Variants in SFR1 observed in about 807,000 individuals in gnomAD.
SFR1 encodes SWI5 dependent homologous recombination repair protein 1, also known as swi5-dependent recombination DNA repair protein 1 homolog.
Under a neutral mutation model 26.2 loss-of-function variants are expected in SFR1, and 24 were observed. The observed-to-expected ratio is 0.92, with a 90% confidence interval of 0.66 to 1.29. The LOEUF (loss-of-function observed/expected upper bound fraction) is 1.29. SFR1 is among the 50% of genes most tolerant of loss of function. The pLI, the probability that SFR1 is intolerant of heterozygous loss-of-function variation, is 0.00. For synonymous variants in SFR1, 77 were observed against 96.6 expected, an observed-to-expected ratio of 0.80 and a Z score of 1.19; for missense variants, 276 against 270.2, an observed-to-expected ratio of 1.02 and a Z score of -0.15.
chr10:104,124,002 T>G lies in SFR1; in HGVS notation c.424T>G (p.Phe142Val). ...SGSCSALQNE[F>V]VSEKLPKQRL... is the part of the protein sequence containing the mutation. ...ATCATGCAGTGCTCTCCAAAATGAG[T>G]TTGTGAGTGAGAAGCTTCCTAAACA... Residue 142 changes from phenylalanine to valine, a missense_variant, in exon 3 of 4, where the codon TTT becomes GTT. By Grantham distance (50) the Phe-to-Val change is conservative (BLOSUM62 -1). Transcript: ENST00000369727. 1 of 1,613,916 alleles carries G rather than the reference T, an allele frequency of 6.2e-7. No individual in the cohort carries two copies. Among genetic ancestry groups the G allele is most frequent in the Non-Finnish European group, 8.5e-7 (1 of 1,179,948 alleles).
chr10:104,125,943 T>G lies in SFR1; in HGVS notation c.*239T>G, dbSNP rs1275576306. The G allele has an allele frequency of 3.3e-6, 1 of 305,210 alleles. No homozygotes were observed. Among genetic ancestry groups the G allele is most frequent in the Non-Finnish European group, 6.2e-6 (1 of 160,944 alleles). The allele number at this position is 305,210 out of a possible 1,614,324, so 18.9% of individuals were successfully genotyped here. On this transcript the variant is annotated 3_prime_UTR_variant, in exon 4 of 4. Transcript: ENST00000369727. The stretch of plus-strand genomic sequence containing the variant: ...ACCATGCCCGGCTAATTTTTGCATT[T>G]TTAGTAGAGACTGGGTTTCACCACG...
intron 3 of SFR1, 28 bp downstream of exon 3, chr10:104,124,152 AATTTTT>A: frequency 6.9e-7 from 1 of 1,457,780 alleles, no homozygotes; most frequent in Non-Finnish European, 9.1e-7. Flanking sequence ...ACCATTGCAT[AATTTTT>A]ATTTTTACAT....
At chr10:104,122,504 C>G in intron 1 of SFR1, 1 of 985,400 alleles carries the variant, frequency 1.0e-6, no homozygotes, top group African/African-American at 1.7e-5. Context: ...CGCTGTGTTT[C>G]TTATGCCTCG....
chr10:104,125,988 A>G lies in SFR1; in HGVS notation c.*284A>G. The G allele has an allele frequency of 4.8e-6, 1 of 209,826 alleles. No homozygotes were observed. Among genetic ancestry groups the G allele is most frequent in the Non-Finnish European group, 9.7e-6 (1 of 103,200 alleles). 13.0% of individuals were successfully genotyped at this position (209,826 alleles called of 1,614,324 possible). The stretch of plus-strand genomic sequence containing the variant: ...ACCACGTTGGCCAGGCTGGTCTCGA[A>G]CTCCTGACCTCAGGTGATCCACCGC... On this transcript the variant is annotated 3_prime_UTR_variant, in exon 4 of 4. Coordinates refer to ENST00000369727, the MANE Select transcript of SFR1 (RefSeq NM_001002759.2).
At chr10:104,122,041 T>C, upstream of SFR1, 2 of 1,030,608 alleles carry the variant, frequency 1.9e-6, no homozygotes, top group Non-Finnish European at 2.9e-6. Context: ...GTCCCACCGC[T>C]CTGAGTCGCT....
At chr10:104,122,925 G>A in intron 1 of SFR1, 40 bp from the exon 2 acceptor site, 1 of 1,605,104 alleles carries the variant, frequency 6.2e-7, no homozygotes, top group Non-Finnish European at 8.5e-7. Context: ...CTATAGAGAG[G>A]TGTGGTTAAT....
In SFR1 at chr10:104,123,736, A is replaced by T; in HGVS notation, c.158A>T (p.Glu53Val). ...TAGCCTATGAGTGCAACACTTAGAG[A>T]AAGATTAAGGAAAACAAGATTTTCA... ...RKQPMSATLR[E>V]RLRKTRFSFN... Residue 53 changes from glutamate to valine, a missense_variant, in exon 3 of 4, where the codon GAA becomes GTA. Coordinates refer to ENST00000369727, the MANE Select transcript of SFR1 (RefSeq NM_001002759.2). 6.3e-7 allele frequency: 1 copy of T among 1,599,542 alleles called. No homozygotes were observed. The highest frequency in any genetic ancestry group is 8.5e-7 in the Non-Finnish European group (1 of 1,174,990).
At chr10:104,122,665 A>G in intron 1 of SFR1, 2 of 1,342,084 alleles carry the variant, frequency 1.5e-6, no homozygotes, top group East Asian at 6.4e-5. Context: ...TAAAGCTGTT[A>G]TTCTTCCCTA....
At chr10:104,121,785 A>G (rs1474145966), upstream of SFR1, among the ~76,000 whole-genome samples, 1 of 152,196 alleles carries the variant, frequency 6.6e-6, no homozygotes, top group East Asian at 1.9e-4. Flanking sequence ...GTTGAAAATA[A>G]GGCAACAGAA....
upstream of SFR1, among the ~76,000 whole-genome samples, chr10:104,120,868 T>G (rs958005700): frequency 6.6e-6 from 1 of 152,208 alleles, no homozygotes; most frequent in Non-Finnish European, 1.5e-5. Flanking sequence ...AAGACTCAGG[T>G]AACTCCCTTT....
chr10:104,122,531 G>C, intron 1 of SFR1: 1 of 985,408 alleles, frequency 1.0e-6, no homozygotes. Context: ...CAGGGTAACG[G>C]GTTCTAGTCA....
At chr10:104,120,623 T>C (rs989348517), upstream of SFR1, among the ~76,000 whole-genome samples, 1 of 152,158 alleles carries the variant, frequency 6.6e-6, no homozygotes, top group African/African-American at 2.4e-5. Context: ...ATAAAATAAC[T>C]ACTGAGTGCT....
At position 104,124,041 on chromosome 10, in the gene SFR1, GA is replaced by G; in HGVS notation, c.468del (p.Ala157ProfsTer4). 1 of 1,613,950 alleles carries G rather than the reference GA, an allele frequency of 6.2e-7. No individual in the cohort carries two copies. On this transcript the variant is annotated frameshift_variant, in exon 3 of 4. Transcript: ENST00000369727. LOFTEE classifies it high-confidence loss of function. ...EKLPKQRLNA[E>X]KAKLVKQVQE... ...GCTTCCTAAACAAAGATTAAACGCT[GA>G]AAAAGCCAAATTGGTGAAGCAGGTT... is the stretch of plus-strand genomic sequence containing the variant.
chr10:104,123,036 C>G lies in SFR1; in HGVS notation c.85C>G (p.Gln29Glu), dbSNP rs751229255. Reference protein sequence around the residue: ...DSAVVLPSTPQASANPSSPYT... With the variant: ...DSAVVLPSTPEASANPSSPYT... ...AGCTGTGGTTTTACCTAGCACTCCT[C>G]AGGCCTCTGCGAATCCATCATCTCC... Residue 29 changes from glutamine (Q) to glutamate (E), a missense_variant, in exon 2 of 4, where the codon CAG (glutamine) becomes GAG (glutamate). Transcript: ENST00000369727. 4 of 1,606,654 alleles carry G rather than the reference C, an allele frequency of 2.5e-6. No homozygotes were observed. The African/African-American group carries it at 5.4e-5, about 22-fold the overall frequency.
chr10:104,120,906 A>C (rs73331554), upstream of SFR1, among the ~76,000 whole-genome samples: 40,735 of 151,990 alleles, frequency 0.27, 8,199 homozygotes, highest in African/African-American at 0.57. Flanking sequence ...CTACTGTCAG[A>C]TGTTATTAAT....
chr10:104,124,221 G>A lies in SFR1; in HGVS notation c.546+97G>A, dbSNP rs1467792412. ...AGAATTTTTTTTTTTACCATAATAA[G>A]CAATAAGCCAAATATTCAGAAACCT... On this transcript the variant is annotated intron_variant, in intron 3 of 3. Coordinates refer to ENST00000369727, the MANE Select transcript of SFR1 (RefSeq NM_001002759.2). The A allele has an allele frequency of 3.6e-6, 4 of 1,113,212 alleles. No individual in the cohort carries two copies. In the African/African-American group the frequency reaches 4.9e-5, roughly 14 times the overall value. 69.0% of individuals were successfully genotyped at this position (1,113,212 alleles called of 1,614,324 possible). A position where few individuals can be genotyped will look rare whatever the true frequency, so the allele number is the denominator to read the frequency against.
At chr10:104,121,431 G>C (rs78760918), upstream of SFR1, among the ~76,000 whole-genome samples, 295 of 152,278 alleles carry the variant, frequency 1.9e-3, 1 homozygote, top group Middle Eastern at 6.8e-3. Context: ...CGGGACTCTC[G>C]GATAGATTTC....
intron 1 of SFR1, 53 bp from the exon 2 acceptor site, chr10:104,122,912 C>A: frequency 6.3e-7 from 1 of 1,599,284 alleles, no homozygotes; most frequent in South Asian, 1.1e-5. Flanking sequence ...TGATAAAAGT[C>A]GACTATAGAG....
chr10:104,122,023 C>T, upstream of SFR1: 1 of 763,206 alleles, frequency 1.3e-6, no homozygotes, highest in South Asian at 1.7e-5. Context: ...GGCGGAGGCG[C>T]GCGCGCAGTC....
Sources: allele counts gnomAD v4.1 joint callset (sites outside exome capture counted in the v4.1 genomes callset), GRCh38; gene constraint gnomAD v4.1.1; transcripts MANE v1.5; gene names NCBI Gene and HGNC (gene_info 2026-07-23, HGNC 2026-07-21).